Variants in TAFA2 observed in about 807,000 individuals in gnomAD.
The protein encoded by TAFA2 is chemokine-like protein TAFA-2.
In TAFA2, 7 loss-of-function variants were observed where a neutral mutation model predicts 18.8. The ratio of observed to expected loss-of-function variants is 0.37; its 90% CI spans 0.21 to 0.70. TAFA2 has a LOEUF of 0.70. TAFA2 is among the 30% of genes least tolerant of loss of function. The pLI is 0.53. For missense variants in TAFA2, 122 were observed against 158.1 expected, an observed-to-expected ratio of 0.77 and a Z score of 1.23; for synonymous variants, 60 against 54.2, an observed-to-expected ratio of 1.11 and a Z score of -0.47.
At chr12:61,975,545 A>G (rs1458034866) in intron 1 of TAFA2, among the ~76,000 whole-genome samples, 14 of 9,696 alleles carry the variant, frequency 1.4e-3, no homozygotes, top group Admixed American at 2.4e-3. Context: ...GTGTGTGTGT[A>G]TCCCAATTTC....
intron 1 of TAFA2, among the ~76,000 whole-genome samples, chr12:62,227,978 T>C (rs1372528144): frequency 1.3e-5 from 2 of 152,244 alleles, no homozygotes; most frequent in Non-Finnish European, 2.9e-5. Flanking sequence ...TATATGTTTT[T>C]ATGTGGGTGC....
chr12:61,731,527 C>T (rs1870449481), intron 4 of TAFA2, among the ~76,000 whole-genome samples: 1 of 152,058 alleles, frequency 6.6e-6, no homozygotes, highest in Non-Finnish European at 1.5e-5. Context: ...AAAACTGCTG[C>T]TCATTCTGTT....
At chr12:62,075,261 AG>A (rs1243511247) in intron 1 of TAFA2, among the ~76,000 whole-genome samples, 1 of 152,206 alleles carries the variant, frequency 6.6e-6, no homozygotes, top group Non-Finnish European at 1.5e-5. Context: ...ATAAGGAAAA[AG>A]CAGTGTCCAT....
At chr12:62,105,479 T>C (rs1869406739) in intron 1 of TAFA2, among the ~76,000 whole-genome samples, 1 of 152,206 alleles carries the variant, frequency 6.6e-6, no homozygotes, top group Non-Finnish European at 1.5e-5. Flanking sequence ...TATAGTATCA[T>C]TAGCCATTAA....
At chr12:62,180,583 T>A (rs564620769) in intron 1 of TAFA2, among the ~76,000 whole-genome samples, 1 of 152,208 alleles carries the variant, frequency 6.6e-6, no homozygotes, top group Non-Finnish European at 1.5e-5. Flanking sequence ...GTTTTTTAAA[T>A]AATCAAGTAC....
At chr12:61,891,947 A>T (rs1875654692) in intron 1 of TAFA2, among the ~76,000 whole-genome samples, 1 of 151,796 alleles carries the variant, frequency 6.6e-6, no homozygotes, top group African/African-American at 2.4e-5. Flanking sequence ...AAATGATCTG[A>T]TTTACGTTTT....
chr12:61,972,215 T>C (rs1295351841), intron 1 of TAFA2, among the ~76,000 whole-genome samples: 1 of 151,524 alleles, frequency 6.6e-6, no homozygotes, highest in African/African-American at 2.4e-5. Flanking sequence ...ACCCTCACTT[T>C]ATACCATACA....
At chr12:62,223,939 T>C (rs1018703642) in intron 1 of TAFA2, among the ~76,000 whole-genome samples, 1 of 152,196 alleles carries the variant, frequency 6.6e-6, no homozygotes, top group Admixed American at 6.5e-5. Flanking sequence ...TTTCTGAGTA[T>C]ATATCCAAAA....
chr12:62,107,334 A>G (rs1869506096), intron 1 of TAFA2, among the ~76,000 whole-genome samples: 1 of 152,176 alleles, frequency 6.6e-6, no homozygotes, highest in African/African-American at 2.4e-5. Flanking sequence ...GAAAAAAGGA[A>G]AAACTACCAA....
chr12:62,203,160 T>G (rs147688452), intron 1 of TAFA2, among the ~76,000 whole-genome samples: 21 of 152,228 alleles, frequency 1.4e-4, no homozygotes, highest in African/African-American at 4.1e-4. Flanking sequence ...GGGGGTTTCT[T>G]AAGTCTTGAG....
chr12:61,785,067 T>C (rs1870669906), intron 2 of TAFA2, among the ~76,000 whole-genome samples: 1 of 151,544 alleles, frequency 6.6e-6, no homozygotes, highest in African/African-American at 2.4e-5. Flanking sequence ...TTCCTATCTA[T>C]CTATAATTGT....
At chr12:62,054,382 T>C (rs1483805221) in intron 1 of TAFA2, among the ~76,000 whole-genome samples, 1 of 152,142 alleles carries the variant, frequency 6.6e-6, no homozygotes, top group Non-Finnish European at 1.5e-5. Flanking sequence ...CAAAGAAACA[T>C]TTCAAAATTA....
chr12:61,972,828 G>A (rs536784994), intron 1 of TAFA2, among the ~76,000 whole-genome samples: 2 of 151,584 alleles, frequency 1.3e-5, no homozygotes, highest in East Asian at 2.0e-4. Context: ...AAAAGTGAGA[G>A]GTAACATCAA....
At position 62,042,401 on chromosome 12, in the gene TAFA2, CTGTGTGTGTGTGTGTGTGTG is replaced by C. The variant is rs147189045; in HGVS notation, c.-2+148838_-2+148857del. Among the ~76,000 whole-genome samples, 400 of 144,084 alleles carry C rather than the reference CTGTGTGTGTGTGTGTGTGTG, an allele frequency of 2.8e-3. 1 individual carries two copies. Among genetic ancestry groups the C allele is most frequent in the African/African-American group, 9.3e-3 (365 of 39,364 alleles). 94.5% of individuals were successfully genotyped at this position (144,084 alleles called of 152,430 possible). A position where few individuals can be genotyped will look rare whatever the true frequency, so the allele number is the denominator to read the frequency against. Reference sequence around the variant, plus strand: ...TTAGTCCTAAATTCTGCATTGAAGTCTGTGTGTGTGTGTGTGTGTGTGTGTGTGCGCGTGTGTGTGTGTGT... The same window carrying C: ...TTAGTCCTAAATTCTGCATTGAAGTCTGTGTGTGCGCGTGTGTGTGTGTGT... On this transcript the variant is annotated intron_variant, in intron 1 of 4. Transcript: ENST00000416284.
rs55651727 is a variant in TAFA2, at chr12:61,851,774, C to CAAAAAAAAAAAAA, written c.106+15533_106+15545dup. 4.8e-4 allele frequency among the ~76,000 whole-genome samples: 7 copies of CAAAAAAAAAAAAA among 14,500 alleles called. 1 individual carries two copies. Among genetic ancestry groups the CAAAAAAAAAAAAA allele is most frequent in the Non-Finnish European group, 8.3e-4 (5 of 6,012 alleles). The allele number at this position is 14,500 out of a possible 152,430, so 9.5% of individuals were successfully genotyped here. On this transcript the variant is annotated intron_variant, in intron 2 of 4. Transcript: ENST00000416284. ...TGGGCGACAGAGCGAGACTCCATCT[C>CAAAAAAAAAAAAA]AAAAAAAAAAAAAAAAAAAAAAAAA...
At chr12:61,870,630 C>G (rs1033735978) in intron 1 of TAFA2, among the ~76,000 whole-genome samples, 1 of 152,030 alleles carries the variant, frequency 6.6e-6, no homozygotes, top group Non-Finnish European at 1.5e-5. Context: ...CCATCTTTTT[C>G]TCCACACACA....
chr12:62,076,913 C>G (rs1448293108), intron 1 of TAFA2, among the ~76,000 whole-genome samples: 1 of 152,090 alleles, frequency 6.6e-6, no homozygotes, highest in African/African-American at 2.4e-5. Context: ...AAAACTGGAA[C>G]CTCTGAGAAG....
chr12:62,121,527 G>T (rs1005196203), intron 1 of TAFA2, among the ~76,000 whole-genome samples: 3 of 152,108 alleles, frequency 2.0e-5, no homozygotes, highest in African/African-American at 7.2e-5. Context: ...AAACTATAAC[G>T]TGATCTAAAG....
chr12:62,111,366 T>G (rs1319149342), intron 1 of TAFA2, among the ~76,000 whole-genome samples: 2 of 152,224 alleles, frequency 1.3e-5, no homozygotes, highest in African/African-American at 2.4e-5. Context: ...TTGTTATGAT[T>G]TCCATTCTTT....
Sources: gnomAD v4.1 joint callset for allele counts (sites outside exome capture counted in the v4.1 genomes callset) on GRCh38, gnomAD v4.1.1 for gene constraint, MANE v1.5 for transcripts, NCBI Gene and HGNC (gene_info 2026-07-23, HGNC 2026-07-21) for gene names.